The following ARHGAP22 variants were observed in gnomAD, a reference collection of about 807,000 sequenced individuals.
The protein encoded by ARHGAP22 is rho GTPase-activating protein 22.
ARHGAP22 carries 48 observed loss-of-function variants against 59.1 expected under a neutral mutation model. The observed-to-expected ratio is 0.81, with a 90% CI of 0.64 to 1.03. The LOEUF is 1.03. ARHGAP22 is among the 50% of genes least tolerant of loss of function. The pLI is 0.00. For missense variants in ARHGAP22, 1,015 were observed against 958.7 expected, an observed-to-expected ratio of 1.06 and a Z score of -0.78; for synonymous variants, 445 against 416.4, an observed-to-expected ratio of 1.07 and a Z score of -0.84.
chr10:48,632,970 G>C (rs1223809034), intron 1 of ARHGAP22, among the ~76,000 whole-genome samples: 2 of 152,102 alleles, frequency 1.3e-5, no homozygotes, highest in African/African-American at 4.8e-5. Flanking sequence ...ATCTACCCCT[G>C]GAAGATCCTG....
At chr10:48,461,806 C>G (rs2047160411) in intron 4 of ARHGAP22, among the ~76,000 whole-genome samples, 1 of 152,168 alleles carries the variant, frequency 6.6e-6, no homozygotes, top group Non-Finnish European at 1.5e-5. Flanking sequence ...GTGGGGTGTT[C>G]CAGGGGCAAG....
chr10:48,537,524 C>T (rs528098411), intron 3 of ARHGAP22, among the ~76,000 whole-genome samples: 24 of 152,320 alleles, frequency 1.6e-4, no homozygotes, highest in African/African-American at 5.3e-4. Flanking sequence ...GCTGACTTGA[C>T]GGGAGGTTCT....
chr10:48,455,077 G>T lies in ARHGAP22; in HGVS notation c.717C>A (p.Pro239=), dbSNP rs141947668. Residue 239 remains proline, a synonymous_variant, in exon 6 of 10, where the codon CCC becomes CCA. Coordinates refer to ENST00000249601, the MANE Select transcript of ARHGAP22 (RefSeq NM_021226.4). ...ACCTGGCGAAGGGGACCACGGGCTCGGGGAGCTCCCGCAGGTACAGCTTCA... is the reference window on the plus strand; with the variant it reads ...ACCTGGCGAAGGGGACCACGGGCTCTGGGAGCTCCCGCAGGTACAGCTTCA... ...SLLKLYLREL[P]EPVVPFARYE... The T allele has an allele frequency of 7.4e-6, 12 of 1,612,212 alleles. No homozygotes were observed. The East Asian group carries it at 1.6e-4, about 21-fold the overall frequency.
At chr10:48,493,180 C>A (rs2050573577) in intron 3 of ARHGAP22, among the ~76,000 whole-genome samples, 1 of 152,130 alleles carries the variant, frequency 6.6e-6, no homozygotes, top group Non-Finnish European at 1.5e-5. Flanking sequence ...CATCCTGAGA[C>A]CTGCCTGTGT....
Position 48,455,054 on chromosome 10 carries a change from C to T in ARHGAP22, c.740G>A (p.Arg247Lys), listed in dbSNP as rs759834785. ...ELPEPVVPFA[R>K]YEDFLSCAQL... ...GGCGCAGCTGAGGAAGTCCTCGTAC[C>T]TGGCGAAGGGGACCACGGGCTCGGG... The change falls in exon 6 of 10, where the codon AGG becomes AAG. Residue 247 changes from arginine to lysine, a missense_variant. Transcript: ENST00000249601. 1 of 1,612,272 alleles carries T rather than the reference C, an allele frequency of 6.2e-7. No individual in the cohort carries two copies. Among genetic ancestry groups the T allele is most frequent in the South Asian group, 1.1e-5 (1 of 90,932 alleles).
chr10:48,466,258 C>A (rs530488260), intron 4 of ARHGAP22, among the ~76,000 whole-genome samples: 59 of 67,118 alleles, frequency 8.8e-4, no homozygotes, highest in African/African-American at 4.7e-3. Flanking sequence ...GGATCCTTTG[C>A]AAGTCCCTGC....
At chr10:48,631,022 T>G (rs2061610991) in intron 1 of ARHGAP22, among the ~76,000 whole-genome samples, 1 of 152,250 alleles carries the variant, frequency 6.6e-6, no homozygotes, top group African/African-American at 2.4e-5. Context: ...TTTTCTGCAT[T>G]AATTCATATG....
chr10:48,527,508 G>C (rs558721248), intron 3 of ARHGAP22, among the ~76,000 whole-genome samples: 2 of 149,002 alleles, frequency 1.3e-5, no homozygotes, highest in Admixed American at 1.3e-4. Flanking sequence ...TGGAGGTGTG[G>C]ATAGGTCAAC....
chr10:48,611,820 TC>T (rs2060898463), intron 1 of ARHGAP22, among the ~76,000 whole-genome samples: 1 of 14,282 alleles, frequency 7.0e-5, no homozygotes, highest in Admixed American at 7.2e-4. Context: ...TCCCTTCCCT[TC>T]CCTTCCCTTC....
exon 1 of ARHGAP22, chr10:48,652,323 C>CT: frequency 6.5e-7 from 1 of 1,528,290 alleles, no homozygotes; most frequent in Non-Finnish European, 8.8e-7. Context: ...CTTCTGTATC[C>CT]TTTTTATAAA....
rs77344765 is a variant in ARHGAP22, at chr10:48,498,490, G to C, written c.323-18726C>G. 7.2e-5 allele frequency among the ~76,000 whole-genome samples: 11 copies of C among 152,224 alleles called. No individual in the cohort carries two copies. In the East Asian group the frequency reaches 2.1e-3, roughly 29 times the overall value. On this transcript the variant is annotated intron_variant, in intron 3 of 9. Transcript: ENST00000249601. ...GGAAGCCACCCCAACACCCCCACCA[G>C]TCCCAGCACAAGGATTTAGAGCCCT...
chr10:48,483,230 T>C (rs776827103), intron 3 of ARHGAP22, among the ~76,000 whole-genome samples: 36 of 152,178 alleles, frequency 2.4e-4, no homozygotes, highest in Non-Finnish European at 4.9e-4. Context: ...AGTGCTGCAA[T>C]AAACATTGGG....
chr10:48,562,990 G>C (rs2057786941), intron 2 of ARHGAP22, among the ~76,000 whole-genome samples: 1 of 152,114 alleles, frequency 6.6e-6, no homozygotes, highest in South Asian at 2.1e-4. Context: ...TGGCACGACT[G>C]TTCCTTCTGG....
chr10:48,652,506 G>C (rs548912881), exon 1 of ARHGAP22: 6 of 576,972 alleles, frequency 1.0e-5, no homozygotes, highest in African/African-American at 1.9e-5. Flanking sequence ...TGCATCTAGG[G>C]ATCTTGGAAT....
intron 1 of ARHGAP22, among the ~76,000 whole-genome samples, chr10:48,590,232 G>T (rs980743929): frequency 6.6e-6 from 1 of 151,970 alleles, no homozygotes; most frequent in African/African-American, 2.4e-5. Context: ...GGAGGGGCAG[G>T]GTGCCCCTTG....
At chr10:48,567,307 A>T (rs768564437) in intron 2 of ARHGAP22, among the ~76,000 whole-genome samples, 1 of 152,208 alleles carries the variant, frequency 6.6e-6, no homozygotes, top group Non-Finnish European at 1.5e-5. Flanking sequence ...CTTGTCATTC[A>T]TGTGAACATT....
At position 48,485,509 on chromosome 10, in the gene ARHGAP22, G is replaced by T. The variant is rs765905645; in HGVS notation, c.323-5745C>A. ...GGAGTGTCCTATAAATGTCAATTTG[G>T]TCTAGTTGAAAGTTTTGTTCAAATC... On this transcript the variant is annotated intron_variant, in intron 3 of 9. Coordinates refer to ENST00000249601, the MANE Select transcript of ARHGAP22 (RefSeq NM_021226.4). 5.9e-5 allele frequency among the ~76,000 whole-genome samples: 9 copies of T among 152,258 alleles called. 1 individual carries two copies. Among genetic ancestry groups the T allele is most frequent in the Middle Eastern group, 6.8e-3 (2 of 294 alleles).
At chr10:48,618,004 T>C (rs546194997) in intron 1 of ARHGAP22, among the ~76,000 whole-genome samples, 1 of 151,840 alleles carries the variant, frequency 6.6e-6, no homozygotes, top group Non-Finnish European at 1.5e-5. Flanking sequence ...AGAGGAGACA[T>C]TACAACTGAA....
intron 1 of ARHGAP22, among the ~76,000 whole-genome samples, chr10:48,621,558 C>G (rs888023796): frequency 1.3e-5 from 2 of 152,130 alleles, no homozygotes; most frequent in African/African-American, 2.4e-5. Flanking sequence ...TCCTAGTATC[C>G]TCCATCTAAA....
Sources: allele counts gnomAD v4.1 joint callset (sites outside exome capture counted in the v4.1 genomes callset), GRCh38; gene constraint gnomAD v4.1.1; transcripts MANE v1.5; gene names NCBI Gene and HGNC (gene_info 2026-07-23, HGNC 2026-07-21).